The following RPH3A variants were observed in gnomAD, a reference collection of about 807,000 sequenced individuals.
The protein encoded by RPH3A is rabphilin-3A.
RPH3A carries 48 observed loss-of-function variants against 102.2 expected under a neutral mutation model. The observed-to-expected ratio is 0.47, with a 90% CI of 0.37 to 0.60. The LOEUF (loss-of-function observed/expected upper bound fraction) is 0.60. Ranked by LOEUF, RPH3A falls within the 20% of genes least tolerant of loss-of-function variation. The probability of loss-of-function intolerance (pLI) is 0.00; values close to 1 mark genes in which losing one functional copy is unlikely to be tolerated. For missense variants in RPH3A, 781 were observed against 910.1 expected, an observed-to-expected ratio of 0.86 and a Z score of 1.83; for synonymous variants, 310 against 324.3, an observed-to-expected ratio of 0.96 and a Z score of 0.47.
intron 1 of RPH3A, among the ~76,000 whole-genome samples, chr12:112,713,453 A>G (rs760923975): frequency 6.6e-6 from 1 of 152,184 alleles, no homozygotes; most frequent in African/African-American, 2.4e-5. Context: ...GTGTGTAGAA[A>G]AGAGAGCATA....
chr12:112,883,453 G>A (rs757432584), intron 16 of RPH3A, 51 bp downstream of exon 16: 11 of 1,367,328 alleles, frequency 8.0e-6, no homozygotes, highest in Non-Finnish European at 9.4e-6. Context: ...GACTCGGGGT[G>A]GGTGGAACTG....
chr12:112,632,264 C>G (rs1378734565), intron 1 of RPH3A, among the ~76,000 whole-genome samples: 1 of 152,106 alleles, frequency 6.6e-6, no homozygotes, highest in Non-Finnish European at 1.5e-5. Flanking sequence ...GTTAATTGCC[C>G]AGTCTCAGGT....
rs11299010 is a variant in RPH3A, at chr12:112,829,267, C to CT, written c.71+889dup. Among the ~76,000 whole-genome samples, 1,035 of 148,338 alleles carry CT rather than the reference C, an allele frequency of 7.0e-3. 11 individuals carry two copies. Among genetic ancestry groups the CT allele is most frequent in the African/African-American group, 0.023 (916 of 40,546 alleles). On this transcript the variant is annotated intron_variant, in intron 3 of 21. Transcript: ENST00000389385. ...GTTGTGGCTTGCCCAAAGAGAAAGG[C>CT]TTTTTTTTTTTCTTTTTTTTTCTTG...
chr12:112,805,320 A>AT (rs58523157), intron 2 of RPH3A, among the ~76,000 whole-genome samples: 16,385 of 149,586 alleles, frequency 0.11, 991 homozygotes, highest in East Asian at 0.29. Flanking sequence ...ATCTTCTGGG[A>AT]TTTTTTTTTT....
At chr12:112,678,484 T>C (rs1457505639) in intron 1 of RPH3A, among the ~76,000 whole-genome samples, 1 of 152,080 alleles carries the variant, frequency 6.6e-6, no homozygotes, top group Non-Finnish European at 1.5e-5. Flanking sequence ...AGTCTGTGTT[T>C]AAAAGCAGAG....
rs115950796 is a variant in RPH3A, at chr12:112,882,517, G to T, written c.1326+671G>T. On this transcript the variant is annotated intron_variant, in intron 15 of 21. Transcript: ENST00000389385. ...AAATGCCTGTTAAATACCCCTGCAA[G>T]TACCAAATGCGCCATGAGACAAAAG... 4.0e-3 allele frequency among the ~76,000 whole-genome samples: 608 copies of T among 152,308 alleles called. 4 individuals are homozygous for T. The highest frequency in any genetic ancestry group is 0.014 in the African/African-American group (577 of 41,558).
At chr12:112,807,926 T>TC (rs2041500080) in intron 2 of RPH3A, among the ~76,000 whole-genome samples, 1 of 152,070 alleles carries the variant, frequency 6.6e-6, no homozygotes, top group Admixed American at 6.6e-5. Flanking sequence ...ATCATCTATT[T>TC]CCCCCCACTA....
At chr12:112,881,679 CAGG>C (rs2042915934) in intron 14 of RPH3A, 90 bp from the exon 15 acceptor site, 1 of 821,066 alleles carries the variant, frequency 1.2e-6, no homozygotes, top group African/African-American at 1.7e-5. Flanking sequence ...GACCAACAGG[CAGG>C]ACAGATGCCA....
chr12:112,820,188 A>G (rs1283189244), intron 2 of RPH3A, among the ~76,000 whole-genome samples: 2 of 152,214 alleles, frequency 1.3e-5, no homozygotes, highest in Admixed American at 6.5e-5. Flanking sequence ...AAATCTATGG[A>G]AGCATTTAGT....
intron 19 of RPH3A, among the ~76,000 whole-genome samples, chr12:112,892,707 G>A (rs759116432): frequency 6.6e-6 from 1 of 152,144 alleles, no homozygotes; most frequent in African/African-American, 2.4e-5. Flanking sequence ...AAGGGGTCTG[G>A]TACACAGTAA....
intron 1 of RPH3A, among the ~76,000 whole-genome samples, chr12:112,723,769 C>T (rs1000230115): frequency 6.6e-6 from 1 of 152,188 alleles, no homozygotes; most frequent in Non-Finnish European, 1.5e-5. Context: ...CTTGAGCTCA[C>T]TGAAATAGCA....
chr12:112,805,386 G>A (rs538868691), intron 2 of RPH3A, among the ~76,000 whole-genome samples: 6 of 152,240 alleles, frequency 3.9e-5, no homozygotes, highest in South Asian at 2.1e-4. Context: ...GGTTAGGGTC[G>A]CACCAGGAAT....
At chr12:112,825,247 G>T (rs1384652214) in intron 2 of RPH3A, among the ~76,000 whole-genome samples, 2 of 152,166 alleles carry the variant, frequency 1.3e-5, no homozygotes, top group Non-Finnish European at 2.9e-5. Flanking sequence ...ATTAATCTGG[G>T]AAGATGATGT....
At chr12:112,713,023 C>CTTCTTCT (rs2040485409) in intron 1 of RPH3A, among the ~76,000 whole-genome samples, 16 of 52,798 alleles carry the variant, frequency 3.0e-4, no homozygotes, top group East Asian at 2.9e-3. Context: ...CTTCCTCTTC[C>CTTCTTCT]TCTTCTTCTT....
At chr12:112,864,465 A>C (rs2042574075) in intron 5 of RPH3A, among the ~76,000 whole-genome samples, 2 of 152,084 alleles carry the variant, frequency 1.3e-5, no homozygotes, top group African/African-American at 4.8e-5. Flanking sequence ...AAAAAAAAAA[A>C]AAATGGATAC....
intron 1 of RPH3A, among the ~76,000 whole-genome samples, chr12:112,581,266 C>T (rs571834151): frequency 6.6e-6 from 1 of 152,278 alleles, no homozygotes; most frequent in South Asian, 2.1e-4. Context: ...GGACGTCTCA[C>T]ATGGTGGCAG....
At chr12:112,682,163 T>C (rs2040230522) in intron 1 of RPH3A, among the ~76,000 whole-genome samples, 1 of 152,140 alleles carries the variant, frequency 6.6e-6, no homozygotes, top group Non-Finnish European at 1.5e-5. Flanking sequence ...TAAGAGGGGA[T>C]TTATTATGGG....
At chr12:112,592,319 G>GTTA (rs1348736100) in intron 1 of RPH3A, among the ~76,000 whole-genome samples, 3 of 152,124 alleles carry the variant, frequency 2.0e-5, no homozygotes, top group Non-Finnish European at 2.9e-5. Flanking sequence ...TTTTAAAATA[G>GTTA]TTATTATTAT....
At chr12:112,584,269 A>G (rs2039422271) in intron 1 of RPH3A, among the ~76,000 whole-genome samples, 1 of 152,204 alleles carries the variant, frequency 6.6e-6, no homozygotes, top group Non-Finnish European at 1.5e-5. Context: ...AGAGTTAAGA[A>G]TATCTGGACA....
Sources: allele counts gnomAD v4.1 joint callset (sites outside exome capture counted in the v4.1 genomes callset), GRCh38; gene constraint gnomAD v4.1.1; transcripts MANE v1.5; gene names NCBI Gene and HGNC (gene_info 2026-07-23, HGNC 2026-07-21).